Variants in LAMA2 observed in about 807,000 individuals in gnomAD.
LAMA2 encodes the protein laminin subunit alpha-2.
Under a neutral mutation model 364.8 loss-of-function variants are expected in LAMA2, and 269 were observed. The ratio of observed to expected loss-of-function variants is 0.74; its 90% confidence interval spans 0.67 to 0.82. LAMA2 has a LOEUF of 0.82. LAMA2 is among the 40% of genes least tolerant of loss of function. The pLI, the probability that LAMA2 is intolerant of heterozygous loss-of-function variation, is 0.00. For missense variants in LAMA2, 3,807 were observed against 3,873.2 expected (o/e 0.98, Z 0.45); for synonymous variants, 1,379 against 1,370.6 (o/e 1.01, Z -0.14).
intron 1 of LAMA2, among the ~76,000 whole-genome samples, chr6:129,040,149 G>A (rs575078401): frequency 2.0e-5 from 3 of 152,306 alleles, no homozygotes; most frequent in East Asian, 1.9e-4. Context: ...TCTGGTTTCT[G>A]TGGAGTCACA....
In LAMA2 at chr6:129,297,554, C is replaced by A. The variant is rs1289437589; in HGVS notation, c.2857-131C>A. 3 of 805,160 alleles carry A rather than the reference C, an allele frequency of 3.7e-6. No homozygotes were observed. The East Asian group carries it at 8.0e-5, about 21-fold the overall frequency. The allele number at this position is 805,160 out of a possible 1,614,324, so 49.9% of individuals were successfully genotyped here. A position where few individuals can be genotyped will look rare whatever the true frequency, so the allele number is the denominator to read the frequency against. ...TTTGATTGAATGAAAACCCAATTGT[C>A]ATAACATCAGTGAGGAATCCTGATA... On this transcript the variant is annotated intron_variant, in intron 20 of 64. Transcript: ENST00000421865.
At chr6:128,918,566 C>T (rs1778495831) in intron 1 of LAMA2, among the ~76,000 whole-genome samples, 1 of 152,138 alleles carries the variant, frequency 6.6e-6, no homozygotes. Context: ...AAATTGTCAC[C>T]CAACCTATTG....
chr6:129,238,265 C>A (rs1785140245), intron 12 of LAMA2, among the ~76,000 whole-genome samples: 1 of 151,954 alleles, frequency 6.6e-6, no homozygotes, highest in African/African-American at 2.4e-5. Context: ...TACTGAATCC[C>A]AAGAATAATT....
intron 1 of LAMA2, among the ~76,000 whole-genome samples, chr6:128,989,349 A>G (rs1319072046): frequency 6.6e-6 from 1 of 152,220 alleles, no homozygotes; most frequent in African/African-American, 2.4e-5. Flanking sequence ...TTTAAGTGAA[A>G]TCATGCATGC....
chr6:129,258,157 C>T (rs1166715221), intron 14 of LAMA2, among the ~76,000 whole-genome samples: 1 of 151,914 alleles, frequency 6.6e-6, no homozygotes, highest in Non-Finnish European at 1.5e-5. Flanking sequence ...AAGGAGTAGC[C>T]CATAAGCTCA....
intron 52 of LAMA2, among the ~76,000 whole-genome samples, chr6:129,473,555 G>A (rs574568053): frequency 3.9e-5 from 6 of 152,154 alleles, no homozygotes; most frequent in African/African-American, 1.4e-4. Context: ...TTGTTGAAGA[G>A]ATGGATTGGA....
At chr6:129,111,161 A>C (rs1052995785) in intron 4 of LAMA2, among the ~76,000 whole-genome samples, 12 of 151,976 alleles carry the variant, frequency 7.9e-5, no homozygotes, top group Admixed American at 3.3e-4. Context: ...TATGAAGTGA[A>C]AACTGGAGAA....
chr6:129,200,400 A>C (rs186672764), intron 12 of LAMA2, among the ~76,000 whole-genome samples: 4 of 147,348 alleles, frequency 2.7e-5, no homozygotes, highest in Admixed American at 2.7e-4. Flanking sequence ...GTGTATATAC[A>C]TGTACACATA....
chr6:128,940,617 A>T (rs980413659), intron 1 of LAMA2, among the ~76,000 whole-genome samples: 1 of 152,172 alleles, frequency 6.6e-6, no homozygotes, highest in African/African-American at 2.4e-5. Flanking sequence ...TGAAACAAAG[A>T]GTTCCATATC....
intron 1 of LAMA2, among the ~76,000 whole-genome samples, chr6:129,049,125 T>C (rs1247518321): frequency 6.6e-6 from 1 of 152,144 alleles, no homozygotes; most frequent in Non-Finnish European, 1.5e-5. Context: ...AAAGGGTCTA[T>C]AATATGCAAA....
intron 1 of LAMA2, among the ~76,000 whole-genome samples, chr6:129,013,263 G>A (rs577154677): frequency 8.6e-4 from 130 of 152,022 alleles, no homozygotes; most frequent in African/African-American, 3.0e-3. Context: ...GTGAAACCCC[G>A]TCTCTACTAA....
intron 37 of LAMA2, among the ~76,000 whole-genome samples, chr6:129,396,180 A>G (rs1035552455): frequency 3.9e-5 from 6 of 152,220 alleles, no homozygotes; most frequent in South Asian, 2.1e-4. Flanking sequence ...ATTTATCTAC[A>G]TATCTGTCAG....
At position 129,182,085 on chromosome 6, in the gene LAMA2, G is replaced by A. The variant is rs188523693; in HGVS notation, c.1467+4219G>A. 4.5e-4 allele frequency among the ~76,000 whole-genome samples: 68 copies of A among 151,804 alleles called. No homozygotes were observed. The South Asian group carries it at 0.012, about 28-fold the overall frequency. On this transcript the variant is annotated intron_variant, in intron 10 of 64. Transcript: ENST00000421865. ...ATAAAAAGCAGTAGTATTTCTATAT[G>A]TCAGTGACAAGCAAATAAAAAATGT...
intron 12 of LAMA2, among the ~76,000 whole-genome samples, chr6:129,206,136 G>GGAAA: frequency 7.7e-6 from 1 of 129,870 alleles, no homozygotes; most frequent in South Asian, 2.4e-4. Context: ...AAGGAAGGAA[G>GGAAA]GAAGGAAGGA....
At chr6:129,160,348 A>G (rs969696410) in intron 8 of LAMA2, among the ~76,000 whole-genome samples, 2 of 152,070 alleles carry the variant, frequency 1.3e-5, no homozygotes, top group Admixed American at 1.3e-4. Context: ...AATTTGTTCA[A>G]TTCATCTAAA....
chr6:129,069,817 T>C (rs1015677664), intron 3 of LAMA2, among the ~76,000 whole-genome samples: 1 of 146,654 alleles, frequency 6.8e-6, no homozygotes, highest in African/African-American at 2.5e-5. Flanking sequence ...ATGTGATAAA[T>C]AATATTGTAT....
At chr6:129,390,878 A>C (rs1779279139) in intron 35 of LAMA2, among the ~76,000 whole-genome samples, 1 of 152,174 alleles carries the variant, frequency 6.6e-6, no homozygotes. Context: ...CATTTAATGC[A>C]TAATAAACAC....
intron 1 of LAMA2, among the ~76,000 whole-genome samples, chr6:128,883,801 TAC>T (rs71543146): frequency 0.032 from 4,303 of 135,836 alleles, 75 homozygotes; most frequent in South Asian, 0.063. Context: ...TATATATATA[TAC>T]ACACACACAC....
At chr6:129,174,465 C>T (rs545155717) in intron 9 of LAMA2, among the ~76,000 whole-genome samples, 2 of 151,010 alleles carry the variant, frequency 1.3e-5, no homozygotes, top group Non-Finnish European at 3.0e-5. Context: ...ATATGGACTT[C>T]ATTTTCTTAT....
Sources: gnomAD v4.1 joint callset for allele counts (sites outside exome capture counted in the v4.1 genomes callset) on GRCh38, gnomAD v4.1.1 for gene constraint, MANE v1.5 for transcripts, NCBI Gene and HGNC (gene_info 2026-07-23, HGNC 2026-07-21) for gene names.